The following NYX variants were observed in gnomAD, a reference collection of about 807,000 sequenced individuals.
NYX encodes nyctalopin.
For missense variants in NYX, 481 were observed against 485.4 expected, an observed-to-expected ratio of 0.99 and a Z score of 0.09; for synonymous variants, 258 against 245.7, an observed-to-expected ratio of 1.05 and a Z score of -0.47.
chrX:41,456,646 G>A (rs1156669645), intron 2 of NYX, among the ~76,000 whole-genome samples: 1 of 111,647 alleles, frequency 9.0e-6, no homozygotes, highest in Non-Finnish European at 1.9e-5. Flanking sequence ...CATCATTCTG[G>A]CCAGACATTG....
At chrX:41,452,019 G>T (rs141121900) in intron 2 of NYX, among the ~76,000 whole-genome samples, 3 of 111,058 alleles carry the variant, frequency 2.7e-5, no homozygotes, top group African/African-American at 9.8e-5. Context: ...TGTTGCCCAG[G>T]CTGGAGTGTA....
intron 2 of NYX, among the ~76,000 whole-genome samples, chrX:41,461,493 G>A (rs1170849481): frequency 3.7e-5 from 4 of 109,378 alleles, no homozygotes; most frequent in Admixed American, 2.0e-4. Context: ...TGCTATAAAC[G>A]TGCGTGCAAG....
rs187991981 is a variant in NYX at position 41,468,398 on chromosome X, T to G, written c.23-5093T>G. Among the ~76,000 whole-genome samples, 235 of 110,173 alleles carry G rather than the reference T, an allele frequency of 2.1e-3. 1 individual carries two copies. Among genetic ancestry groups the G allele is most frequent in the African/African-American group, 7.3e-3 (222 of 30,233 alleles). Reference sequence around the variant, plus strand: ...CCTCTGCCTCCCTGGTTCAAGTGATTCTTATGCCTCAGCCTCCAGAGTAGC... The same window carrying G: ...CCTCTGCCTCCCTGGTTCAAGTGATGCTTATGCCTCAGCCTCCAGAGTAGC... On this transcript the variant is annotated intron_variant, in intron 2 of 2. Coordinates refer to ENST00000378220, the MANE Select transcript of NYX (RefSeq NM_001378477.3).
chrX:41,473,947 C>G lies in NYX; in HGVS notation c.479C>G (p.Ala160Gly). 9.1e-7 allele frequency: 1 copy of G among 1,100,095 alleles called. No homozygotes were observed. 90.7% of individuals were successfully genotyped at this position (1,100,095 alleles called of 1,213,427 possible). The stretch of plus-strand genomic sequence containing the variant: ...GAACTGCCGGCCCTGCGCGAACTCG[C>G]CGCCTTCGACAACCTGTTCCGCCGC... ...LAELPALREL[A>G]AFDNLFRRVP... Residue 160 changes from alanine to glycine, a missense_variant, in exon 3 of 3, where the codon GCC becomes GGC. Ala to Gly is a moderately conservative substitution (Grantham distance 60, BLOSUM62 0). Coordinates refer to ENST00000378220, the MANE Select transcript of NYX (RefSeq NM_001378477.3).
chrX:41,473,816 C>A lies in NYX; in HGVS notation c.348C>A (p.Gly116=). The change falls in exon 3 of 3, where the codon GGC becomes GGA. Residue 116 remains glycine, a synonymous_variant. Transcript: ENST00000378220. The part of the protein sequence containing the change: ...RLAELRLAHN[G]DLRYLHARTF... The stretch of plus-strand genomic sequence containing the variant: ...CTGAGCTGCGCCTGGCGCACAACGG[C>A]GACCTGCGCTACCTGCACGCGCGCA... 9.0e-7 allele frequency: 1 copy of A among 1,115,229 alleles called. No homozygotes were observed. The highest frequency in any genetic ancestry group is 1.2e-6 in the Non-Finnish European group (1 of 854,036). 91.9% of individuals were successfully genotyped at this position (1,115,229 alleles called of 1,213,427 possible).
chrX:41,474,335 G>A lies in NYX; in HGVS notation c.867G>A (p.Glu289=). 1.7e-6 allele frequency: 2 copies of A among 1,208,700 alleles called. No homozygotes were observed. The highest frequency in any genetic ancestry group is 2.2e-6 in the Non-Finnish European group (2 of 895,371). The change falls in exon 3 of 3, where the codon GAG becomes GAA. Residue 289 remains glutamate (E), a synonymous_variant. Transcript: ENST00000378220. ...ACCGCAACAGCATCGCCTTCGTGGA[G>A]GAGGGCGCCTTCCAGAACCTCTCGG... is the stretch of plus-strand genomic sequence containing the variant. ...YLDRNSIAFV[E]EGAFQNLSGL... is the part of the protein sequence containing the mutation.
intron 2 of NYX, among the ~76,000 whole-genome samples, chrX:41,454,822 A>T (rs2064293554): frequency 9.1e-6 from 1 of 109,554 alleles, no homozygotes; most frequent in South Asian, 3.9e-4. Context: ...GCCCAGGCTC[A>T]TCCTGAACTT....
In NYX at chrX:41,461,458, A is replaced by G. The variant is rs377336103; in HGVS notation, c.23-12033A>G. Among the ~76,000 whole-genome samples the G allele has an allele frequency of 8.2e-5, 9 of 109,241 alleles. No individual in the cohort carries two copies. The East Asian group carries it at 2.0e-3, about 24-fold the overall frequency. The allele number at this position is 109,241 out of a possible 115,157, so 94.9% of individuals were successfully genotyped here. On this transcript the variant is annotated intron_variant, in intron 2 of 2. Transcript: ENST00000378220. ...ACTGATGGGCATTTGGGGTGGTTCC[A>G]TATTTTTGCAATTGCGAATTGTGCT...
chrX:41,465,149 T>G (rs940250912), intron 2 of NYX, among the ~76,000 whole-genome samples: 1 of 109,792 alleles, frequency 9.1e-6, no homozygotes, highest in Non-Finnish European at 1.9e-5. Context: ...AATCTTTGCT[T>G]GGTAATTCCA....
At chrX:41,447,947 G>A (rs1330159467) in intron 2 of NYX, 21 bp downstream of exon 2, 2 of 1,206,615 alleles carry the variant, frequency 1.7e-6, no homozygotes, top group Non-Finnish European at 2.2e-6. Context: ...CTGCCGGTGG[G>A]TGCAAGGGTT....
At position 41,471,390 on chromosome X, in the gene NYX, G is replaced by C. The variant is rs752590539; in HGVS notation, c.23-2101G>C. Among the ~76,000 whole-genome samples the C allele has an allele frequency of 3.4e-4, 38 of 110,828 alleles. 1 individual carries two copies. Among genetic ancestry groups the C allele is most frequent in the Non-Finnish European group, 6.6e-4 (35 of 53,253 alleles). On this transcript the variant is annotated intron_variant, in intron 2 of 2. Coordinates refer to ENST00000378220, the MANE Select transcript of NYX (RefSeq NM_001378477.3). Reference sequence around the variant, plus strand: ...GCCTCTCGAAGTGTTGGGATTACAGGCGTGAGCCACCGCACCTGGCCCAGA... The same window carrying C: ...GCCTCTCGAAGTGTTGGGATTACAGCCGTGAGCCACCGCACCTGGCCCAGA...
At chrX:41,469,767 GA>G (rs960777665) in intron 2 of NYX, among the ~76,000 whole-genome samples, 2 of 109,930 alleles carry the variant, frequency 1.8e-5, no homozygotes, top group African/African-American at 6.6e-5. Context: ...GGCTAGTCTC[GA>G]ACACCTGACC....
intron 2 of NYX, among the ~76,000 whole-genome samples, chrX:41,464,884 T>C (rs2064333087): frequency 9.0e-6 from 1 of 111,405 alleles, no homozygotes; most frequent in Non-Finnish European, 1.9e-5. Flanking sequence ...AGTCTTCTTT[T>C]TATTTTCTCT....
intron 2 of NYX, among the ~76,000 whole-genome samples, chrX:41,466,811 T>C (rs1294734710): frequency 1.1e-5 from 1 of 92,020 alleles, no homozygotes; most frequent in African/African-American, 4.1e-5. Flanking sequence ...TTTTTTTTTT[T>C]TGAGATGAAT....
chrX:41,452,105 C>T, intron 2 of NYX, among the ~76,000 whole-genome samples: 1 of 110,784 alleles, frequency 9.0e-6, no homozygotes, highest in Non-Finnish European at 1.9e-5. Context: ...TCCCGAGTAG[C>T]TGGGACTAAA....
intron 1 of NYX, 158 bp from the exon 2 acceptor site, chrX:41,447,691 T>C: frequency 4.3e-6 from 2 of 460,474 alleles, no homozygotes; most frequent in South Asian, 6.3e-5. Context: ...TGATTTTCTG[T>C]TGTTACTGGT....
Position 41,470,701 on chromosome X carries a change from A to C in NYX, c.23-2790A>C, listed in dbSNP as rs1398649117. Among the ~76,000 whole-genome samples, 22 of 109,597 alleles carry C rather than the reference A, an allele frequency of 2.0e-4. No individual in the cohort carries two copies. In the Admixed American group the frequency reaches 2.2e-3, roughly 11 times the overall value. On this transcript the variant is annotated intron_variant, in intron 2 of 2. Transcript: ENST00000378220. Reference sequence around the variant, plus strand: ...AGAGTGAGGACTCTGTCTCAAAAAAAAAAAAAAAAAAATCATTGATGCAGT... The same window carrying C: ...AGAGTGAGGACTCTGTCTCAAAAAACAAAAAAAAAAAATCATTGATGCAGT...
At chrX:41,458,342 A>T (rs920591055) in intron 2 of NYX, among the ~76,000 whole-genome samples, 2 of 112,120 alleles carry the variant, frequency 1.8e-5, no homozygotes, top group East Asian at 5.6e-4. Context: ...AAACAAACAA[A>T]GGTTGGCATC....
chrX:41,471,402 G>A (rs762259009), intron 2 of NYX, among the ~76,000 whole-genome samples: 33 of 112,353 alleles, frequency 2.9e-4, no homozygotes, highest in African/African-American at 8.7e-4. Context: ...GTGAGCCACC[G>A]CACCTGGCCC....
Sources: gnomAD v4.1 joint callset for allele counts (sites outside exome capture counted in the v4.1 genomes callset) on GRCh38, gnomAD v4.1.1 for gene constraint, MANE v1.5 for transcripts, NCBI Gene and HGNC (gene_info 2026-07-23, HGNC 2026-07-21) for gene names.